PCSK2: variants seen among roughly 807,000 people sequenced by gnomAD.
PCSK2 encodes the protein proprotein convertase subtilisin/kexin type 2, also known as neuroendocrine convertase 2.
A neutral mutation model predicts 69.7 loss-of-function variants in PCSK2; 14 were observed. That is an observed-to-expected ratio of 0.20 (90% CI 0.13 to 0.31). PCSK2 has a LOEUF of 0.31. PCSK2 is among the 10% of genes least tolerant of loss of function. The pLI, the probability that PCSK2 is intolerant of heterozygous loss-of-function variation, is 1.00. For missense variants in PCSK2, 544 were observed against 842.5 expected (o/e 0.65, Z 4.39); for synonymous variants, 307 against 320.7 (o/e 0.96, Z 0.46).
chr20:17,456,864 T>C (rs1323585972), intron 10 of PCSK2, among the ~76,000 whole-genome samples: 1 of 152,240 alleles, frequency 6.6e-6, no homozygotes, highest in Non-Finnish European at 1.5e-5. Context: ...TCAGAACATG[T>C]GGCAAACAAA....
intron 2 of PCSK2, among the ~76,000 whole-genome samples, chr20:17,340,777 C>T (rs887265939): frequency 1.3e-5 from 2 of 152,112 alleles, no homozygotes; most frequent in Non-Finnish European, 2.9e-5. Flanking sequence ...TTTTTCATTC[C>T]AGCTCTCCTA....
intron 2 of PCSK2, among the ~76,000 whole-genome samples, chr20:17,288,494 G>A (rs1259480153): frequency 6.6e-6 from 1 of 152,172 alleles, no homozygotes; most frequent in Non-Finnish European, 1.5e-5. Flanking sequence ...CAATGCCACG[G>A]CTCATGTTCT....
intron 1 of PCSK2, among the ~76,000 whole-genome samples, chr20:17,239,768 A>C (rs1986488427): frequency 6.6e-6 from 1 of 151,732 alleles, no homozygotes; most frequent in Admixed American, 6.6e-5. Context: ...CAAGTAAGCA[A>C]CTGGGATTCA....
chr20:17,282,264 CAT>C (rs890426970), intron 2 of PCSK2, among the ~76,000 whole-genome samples: 6 of 152,012 alleles, frequency 3.9e-5, no homozygotes, highest in East Asian at 1.9e-4. Context: ...CACACACACA[CAT>C]ATGTATATAT....
intron 2 of PCSK2, among the ~76,000 whole-genome samples, chr20:17,267,507 G>A (rs1396827532): frequency 1.3e-5 from 2 of 152,184 alleles, no homozygotes; most frequent in Non-Finnish European, 2.9e-5. Context: ...TCTCCTCTGG[G>A]CATTGCAGAT....
chr20:17,328,010 T>C (rs1424339485), intron 2 of PCSK2, among the ~76,000 whole-genome samples: 1 of 152,172 alleles, frequency 6.6e-6, no homozygotes, highest in East Asian at 1.9e-4. Flanking sequence ...TGAGCCTGCC[T>C]CTGCACCTAG....
intron 2 of PCSK2, among the ~76,000 whole-genome samples, chr20:17,344,312 C>G (rs528034097): frequency 6.6e-6 from 1 of 152,330 alleles, no homozygotes; most frequent in East Asian, 1.9e-4. Context: ...GCACAGTCAC[C>G]AGCCCCCAAA....
At chr20:17,286,586 T>C (rs1272044955) in intron 2 of PCSK2, among the ~76,000 whole-genome samples, 1 of 152,228 alleles carries the variant, frequency 6.6e-6, no homozygotes, top group East Asian at 1.9e-4. Flanking sequence ...AAGATGTACC[T>C]GGAGGAAGAA....
At chr20:17,371,835 G>T (rs1208899901) in intron 5 of PCSK2, among the ~76,000 whole-genome samples, 1 of 152,094 alleles carries the variant, frequency 6.6e-6, no homozygotes, top group African/African-American at 2.4e-5. Context: ...GAACAATTAG[G>T]TTGTTTCCAA....
chr20:17,470,285 A>G (rs1253684144), intron 11 of PCSK2, among the ~76,000 whole-genome samples: 1 of 152,208 alleles, frequency 6.6e-6, no homozygotes, highest in Non-Finnish European at 1.5e-5. Flanking sequence ...TGATTAAGAA[A>G]CAAGAGTTTT....
intron 2 of PCSK2, among the ~76,000 whole-genome samples, chr20:17,343,598 G>A (rs545689475): frequency 6.6e-5 from 10 of 152,228 alleles, no homozygotes; most frequent in Non-Finnish European, 1.5e-4. Context: ...ATGCCACATG[G>A]CAAGGTGGGG....
At chr20:17,387,059 C>A (rs1600539374) in intron 5 of PCSK2, among the ~76,000 whole-genome samples, 1 of 152,264 alleles carries the variant, frequency 6.6e-6, no homozygotes, top group Admixed American at 6.5e-5. Flanking sequence ...GGAATGGCAC[C>A]AATAAGGATC....
At chr20:17,226,758 G>C (rs1461596648), upstream of PCSK2, among the ~76,000 whole-genome samples, 6 of 148,320 alleles carry the variant, frequency 4.0e-5, no homozygotes, top group African/African-American at 1.5e-4. Flanking sequence ...GGCTGAGATG[G>C]GGGAGCTCTC....
rs1163390666 is a variant in PCSK2, at chr20:17,303,477, ATAAT to A, written c.282+43134_282+43137del. Among the ~76,000 whole-genome samples, 58 of 49,832 alleles carry A rather than the reference ATAAT, an allele frequency of 1.2e-3. 3 individuals carry two copies. The highest frequency in any genetic ancestry group is 3.2e-3 in the African/African-American group (40 of 12,388). 32.7% of individuals were successfully genotyped at this position (49,832 alleles called of 152,430 possible). A position where few individuals can be genotyped will look rare whatever the true frequency, so the allele number is the denominator to read the frequency against. On this transcript the variant is annotated intron_variant, in intron 2 of 11. Transcript: ENST00000262545. ...ATATTAAATATAATATATATTATATATAATATATATTATATTTAATATAATATAT... is the reference window on the plus strand; with the variant it reads ...ATATTAAATATAATATATATTATATAATATATTATATTTAATATAATATAT...
rs201511135 is a variant in PCSK2, at chr20:17,436,847, G to T, written c.849G>T (p.Glu283Asp). 27 of 1,613,406 alleles carry T rather than the reference G, an allele frequency of 1.7e-5. No homozygotes were observed. The highest frequency in any genetic ancestry group is 1.7e-5 in the Non-Finnish European group (20 of 1,179,930). The change falls in exon 8 of 12, where the codon GAG becomes GAT. Residue 283 changes from glutamate (E) to aspartate (D), a missense_variant. Physicochemically the swap from Glu to Asp is conservative, Grantham distance 45 (BLOSUM62 2). Transcript: ENST00000262545. ...DNGKTVDGPR[E>D]LTLQAMADGV... ...GCAAGACAGTGGATGGGCCCCGGGA[G>T]CTCACGCTGCAGGCCATGGCCGATG...
chr20:17,270,318 C>A lies in PCSK2; in HGVS notation c.282+9974C>A, dbSNP rs537376196. ...CATCTCTTTCTATAAACAGGTTTCACGGTCTTAAAGCCAAACCAAGGGAAT... is the reference window on the plus strand; with the variant it reads ...CATCTCTTTCTATAAACAGGTTTCAAGGTCTTAAAGCCAAACCAAGGGAAT... On this transcript the variant is annotated intron_variant, in intron 2 of 11. Transcript: ENST00000262545. Among the ~76,000 whole-genome samples, 4 of 152,216 alleles carry A rather than the reference C, an allele frequency of 2.6e-5. No individual in the cohort carries two copies. The South Asian group carries it at 6.2e-4, about 24-fold the overall frequency.
At chr20:17,270,456 G>A (rs1443194073) in intron 2 of PCSK2, among the ~76,000 whole-genome samples, 1 of 152,100 alleles carries the variant, frequency 6.6e-6, no homozygotes, top group Non-Finnish European at 1.5e-5. Context: ...CAGCAGTTAG[G>A]CAAAGAGATT....
chr20:17,471,870 G>A (rs993671792), intron 11 of PCSK2, among the ~76,000 whole-genome samples: 11 of 152,360 alleles, frequency 7.2e-5, no homozygotes, highest in African/African-American at 2.4e-4. Flanking sequence ...ATCAACAGCC[G>A]TGGCAATCGC....
chr20:17,228,967 G>T (rs761233977), intron 1 of PCSK2, among the ~76,000 whole-genome samples: 5 of 152,150 alleles, frequency 3.3e-5, no homozygotes, highest in African/African-American at 9.7e-5. Context: ...GTTTTGGCCC[G>T]TGGCCTGCCG....
Sources: allele counts gnomAD v4.1 joint callset (sites outside exome capture counted in the v4.1 genomes callset), GRCh38; gene constraint gnomAD v4.1.1; transcripts MANE v1.5; gene names NCBI Gene and HGNC (gene_info 2026-07-23, HGNC 2026-07-21).